Variants in PTPRN2 observed in about 807,000 individuals in gnomAD.
The protein encoded by PTPRN2 is protein tyrosine phosphatase receptor type N2, also known as receptor-type tyrosine-protein phosphatase N2.
A neutral mutation model predicts 118.8 loss-of-function variants in PTPRN2; 74 were observed. The observed-to-expected ratio is 0.62, with a 90% CI of 0.52 to 0.76. PTPRN2 has a LOEUF of 0.76. Ranked by LOEUF, PTPRN2 falls within the 30% of genes least tolerant of loss-of-function variation. The pLI is 0.00. For missense variants in PTPRN2, 1,481 were observed against 1,394.4 expected (o/e 1.06, Z -0.99); for synonymous variants, 641 against 608.0 (o/e 1.05, Z -0.80).
Position 158,072,800 on chromosome 7 carries a change from GACA to G in PTPRN2, c.1723+8495_1723+8497del, listed in dbSNP as rs752413214. On this transcript the variant is annotated intron_variant, in intron 11 of 22. Transcript: ENST00000389418. ...CTGTAGGGTCCCCAAAGCACAAGGA[GACA>G]ACAAGGGAGAGTTTCAGATGCCAAC... Among the ~76,000 whole-genome samples the G allele has an allele frequency of 3.9e-4, 59 of 152,334 alleles. 1 individual carries two copies. The highest frequency in any genetic ancestry group is 1.0e-3 in the South Asian group (5 of 4,820).
chr7:157,762,243 G>C (rs1435167229), intron 12 of PTPRN2, among the ~76,000 whole-genome samples: 2 of 151,910 alleles, frequency 1.3e-5, no homozygotes, highest in African/African-American at 2.4e-5. Flanking sequence ...CCCATTACTG[G>C]GTATATACCC....
At chr7:157,613,616 C>A (rs1165324368) in intron 15 of PTPRN2, among the ~76,000 whole-genome samples, 4 of 152,212 alleles carry the variant, frequency 2.6e-5, no homozygotes, top group Non-Finnish European at 4.4e-5. Context: ...AGGAGGCCGC[C>A]GCGTTCCTTC....
chr7:157,996,921 CG>C (rs1433133982), intron 11 of PTPRN2, among the ~76,000 whole-genome samples: 1 of 152,170 alleles, frequency 6.6e-6, no homozygotes, highest in Non-Finnish European at 1.5e-5. Flanking sequence ...AGGCCCGGGG[CG>C]GGTGTGGGGA....
intron 12 of PTPRN2, among the ~76,000 whole-genome samples, chr7:157,777,797 A>G (rs1232213635): frequency 6.6e-6 from 1 of 152,242 alleles, no homozygotes; most frequent in African/African-American, 2.4e-5. Context: ...TGAAATAGAA[A>G]TGAAAATTTC....
chr7:158,272,149 G>A (rs112900903), intron 3 of PTPRN2, among the ~76,000 whole-genome samples: 330 of 152,210 alleles, frequency 2.2e-3, no homozygotes, highest in African/African-American at 7.6e-3. Flanking sequence ...TGCACACTTC[G>A]TGCTGAGCTG....
intron 3 of PTPRN2, among the ~76,000 whole-genome samples, chr7:158,240,070 C>A (rs941567256): frequency 1.3e-5 from 2 of 152,200 alleles, no homozygotes; most frequent in Non-Finnish European, 2.9e-5. Flanking sequence ...ACCACTGGAA[C>A]CTCCAGGCAG....
intron 12 of PTPRN2, among the ~76,000 whole-genome samples, chr7:157,840,089 A>C (rs1321744261): frequency 7.2e-6 from 1 of 138,674 alleles, no homozygotes; most frequent in African/African-American, 2.9e-5. Flanking sequence ...GTGTGGCCAT[A>C]TGTGACTGTG....
chr7:158,019,357 G>A (rs554545183), intron 11 of PTPRN2, among the ~76,000 whole-genome samples: 1 of 152,352 alleles, frequency 6.6e-6, no homozygotes, highest in South Asian at 2.1e-4. Context: ...ACATGGATAG[G>A]ACATGCGATA....
intron 11 of PTPRN2, among the ~76,000 whole-genome samples, chr7:158,020,035 G>A (rs1307726852): frequency 1.3e-5 from 2 of 152,216 alleles, no homozygotes; most frequent in African/African-American, 4.8e-5. Context: ...CCAGCCCTGA[G>A]GCTTCTGCAC....
chr7:157,870,974 C>G (rs1262943825), intron 12 of PTPRN2, among the ~76,000 whole-genome samples: 1 of 152,210 alleles, frequency 6.6e-6, no homozygotes. Flanking sequence ...GATTGGATGG[C>G]CTGGCTCAGA....
chr7:158,280,602 G>A (rs982381004), intron 3 of PTPRN2, among the ~76,000 whole-genome samples: 1 of 152,230 alleles, frequency 6.6e-6, no homozygotes, highest in African/African-American at 2.4e-5. Context: ...AGAACCAGGA[G>A]ATGAAAGGAG....
At chr7:157,782,415 C>G (rs779847918) in intron 12 of PTPRN2, among the ~76,000 whole-genome samples, 1 of 152,204 alleles carries the variant, frequency 6.6e-6, no homozygotes, top group African/African-American at 2.4e-5. Flanking sequence ...TATCTGAAAA[C>G]GGTGAATCAG....
At chr7:158,104,038 T>G (rs1252094945) in intron 10 of PTPRN2, among the ~76,000 whole-genome samples, 1 of 152,062 alleles carries the variant, frequency 6.6e-6, no homozygotes, top group East Asian at 1.9e-4. Context: ...ATTTTTGTAT[T>G]TTTAAGTAGA....
intron 2 of PTPRN2, among the ~76,000 whole-genome samples, chr7:158,431,857 C>T (rs1409006290): frequency 6.6e-6 from 1 of 152,254 alleles, no homozygotes; most frequent in Non-Finnish European, 1.5e-5. Context: ...CAGGCTGGTG[C>T]CAGGGGAAGC....
chr7:158,233,828 C>A (rs562047351), intron 3 of PTPRN2, among the ~76,000 whole-genome samples: 24 of 152,224 alleles, frequency 1.6e-4, no homozygotes, highest in African/African-American at 5.8e-4. Context: ...ACGTTTATAA[C>A]CAACTCATTT....
At chr7:157,816,508 T>G (rs1806410593) in intron 12 of PTPRN2, among the ~76,000 whole-genome samples, 1 of 152,220 alleles carries the variant, frequency 6.6e-6, no homozygotes, top group African/African-American at 2.4e-5. Context: ...GCACTGGATA[T>G]GAGTGAGAAA....
At chr7:158,340,747 A>C (rs1806579800) in intron 2 of PTPRN2, among the ~76,000 whole-genome samples, 1 of 83,652 alleles carries the variant, frequency 1.2e-5, no homozygotes, top group Non-Finnish European at 2.5e-5. Flanking sequence ...TGACACATGC[A>C]GACGTCACAC....
intron 12 of PTPRN2, among the ~76,000 whole-genome samples, chr7:157,821,494 A>T (rs552951183): frequency 5.3e-5 from 8 of 152,234 alleles, no homozygotes; most frequent in Non-Finnish European, 1.0e-4. Flanking sequence ...AGCCAGAGAC[A>T]TCGGAGATGA....
At chr7:158,282,400 A>C (rs1436187643) in intron 3 of PTPRN2, among the ~76,000 whole-genome samples, 1 of 152,256 alleles carries the variant, frequency 6.6e-6, no homozygotes, top group Non-Finnish European at 1.5e-5. Flanking sequence ...ATGTAGAAGT[A>C]CTGCGGGGCC....
Sources: gnomAD v4.1 joint callset for allele counts (sites outside exome capture counted in the v4.1 genomes callset) on GRCh38, gnomAD v4.1.1 for gene constraint, MANE v1.5 for transcripts, NCBI Gene and HGNC (gene_info 2026-07-23, HGNC 2026-07-21) for gene names.